Variants in GRM5 observed in about 807,000 individuals in gnomAD.
The protein encoded by GRM5 is glutamate metabotropic receptor 5, also known as metabotropic glutamate receptor 5.
In GRM5, 19 loss-of-function variants were observed where a neutral mutation model predicts 83.1. The ratio of observed to expected loss-of-function variants is 0.23; its 90% CI spans 0.16 to 0.34. The LOEUF (loss-of-function observed/expected upper bound fraction) is 0.34. Among genes scored for constraint, GRM5 ranks in the 10% least tolerant of loss-of-function variants. The pLI is 1.00. For missense variants in GRM5, 1,160 were observed against 1,588.3 expected, an observed-to-expected ratio of 0.73 and a Z score of 4.58; for synonymous variants, 675 against 633.6, an observed-to-expected ratio of 1.07 and a Z score of -0.98.
At chr11:88,907,089 T>C (rs1945416616) in intron 2 of GRM5, among the ~76,000 whole-genome samples, 1 of 152,084 alleles carries the variant, frequency 6.6e-6, no homozygotes, top group African/African-American at 2.4e-5. Flanking sequence ...GGTGTTCTAT[T>C]TGCCTGAAGT....
At chr11:88,603,685 A>G (rs952319260) in intron 5 of GRM5, among the ~76,000 whole-genome samples, 1 of 152,216 alleles carries the variant, frequency 6.6e-6, no homozygotes, top group Non-Finnish European at 1.5e-5. Context: ...GAAACTAGCT[A>G]TCACTTATAA....
intron 5 of GRM5, among the ~76,000 whole-genome samples, chr11:88,597,769 G>C (rs932278144): frequency 3.3e-5 from 5 of 152,194 alleles, no homozygotes; most frequent in African/African-American, 1.2e-4. Context: ...TTCAGCTTTA[G>C]GGGATATAGG....
intron 4 of GRM5, among the ~76,000 whole-genome samples, chr11:88,606,651 A>G (rs1313941146): frequency 1.3e-5 from 2 of 152,212 alleles, no homozygotes; most frequent in African/African-American, 4.8e-5. Flanking sequence ...ATCTGGCTAC[A>G]TTGTGGAGAA....
At chr11:88,796,599 T>G (rs983243767) in intron 3 of GRM5, among the ~76,000 whole-genome samples, 6 of 152,176 alleles carry the variant, frequency 3.9e-5, no homozygotes, top group Non-Finnish European at 7.4e-5. Context: ...AATGCAATTA[T>G]TTTTTAAGTG....
chr11:88,824,337 G>C (rs1348643538), intron 3 of GRM5, among the ~76,000 whole-genome samples: 1 of 152,134 alleles, frequency 6.6e-6, no homozygotes, highest in African/African-American at 2.4e-5. Context: ...AACTACCAGA[G>C]CTAGATTACA....
At chr11:89,000,792 A>G (rs2135068774) in intron 2 of GRM5, among the ~76,000 whole-genome samples, 1 of 152,248 alleles carries the variant, frequency 6.6e-6, no homozygotes, top group South Asian at 2.1e-4. Context: ...GGGAGAAGAT[A>G]TTTGCAAACC....
intron 2 of GRM5, among the ~76,000 whole-genome samples, chr11:88,973,747 A>G (rs1939238841): frequency 1.3e-5 from 2 of 152,156 alleles, no homozygotes; most frequent in South Asian, 4.1e-4. Flanking sequence ...GGAAACTAAT[A>G]CAAGGAGTAA....
intron 3 of GRM5, among the ~76,000 whole-genome samples, chr11:88,719,970 T>G (rs1404069321): frequency 6.6e-6 from 1 of 152,146 alleles, no homozygotes; most frequent in Non-Finnish European, 1.5e-5. Flanking sequence ...ATTAGACCTT[T>G]GTCAGATACA....
At chr11:88,751,088 A>C (rs1439115537) in intron 3 of GRM5, among the ~76,000 whole-genome samples, 3 of 148,870 alleles carry the variant, frequency 2.0e-5, no homozygotes, top group Non-Finnish European at 3.0e-5. Context: ...AAAAAAAAAA[A>C]AAAAAAACAA....
At chr11:88,921,089 T>G (rs1042983849) in intron 2 of GRM5, among the ~76,000 whole-genome samples, 1 of 146,494 alleles carries the variant, frequency 6.8e-6, no homozygotes. Context: ...TTTTTTTTAA[T>G]AAAGTGAAAT....
chr11:88,713,293 G>C (rs935662316), intron 3 of GRM5, among the ~76,000 whole-genome samples: 1 of 152,038 alleles, frequency 6.6e-6, no homozygotes, highest in African/African-American at 2.4e-5. Flanking sequence ...GTGCAGTGCA[G>C]ATATAGAGTA....
chr11:88,677,635 T>C (rs1407269492), intron 3 of GRM5, among the ~76,000 whole-genome samples: 5 of 152,140 alleles, frequency 3.3e-5, no homozygotes, highest in Non-Finnish European at 7.4e-5. Context: ...TTTAATTACA[T>C]AAGCTAATAA....
intron 3 of GRM5, among the ~76,000 whole-genome samples, chr11:88,811,237 A>G (rs942145760): frequency 2.6e-5 from 4 of 152,088 alleles, no homozygotes; most frequent in African/African-American, 9.7e-5. Flanking sequence ...AGGACAAATA[A>G]CAGAAGATTT....
rs1491472676 is a variant in GRM5 at position 88,838,084 on chromosome 11, C to CAAAAAG, written c.911+11821_911+11822insCTTTTT. ...TGGGTGACAGAGCGAGACTCCATCT[C>CAAAAAG]AAAAAAAAAAAAAAAAAAAAAAAAA... On this transcript the variant is annotated intron_variant, in intron 3 of 9. Coordinates refer to ENST00000305447, the MANE Select transcript of GRM5 (RefSeq NM_001143831.3). Among the ~76,000 whole-genome samples the CAAAAAG allele has an allele frequency of 3.1e-4, 17 of 55,444 alleles. 3 individuals carry two copies. The highest frequency in any genetic ancestry group is 5.7e-4 in the Non-Finnish European group (17 of 29,934). 36.4% of individuals were successfully genotyped at this position (55,444 alleles called of 152,430 possible).
At chr11:88,878,994 G>T (rs965484779) in intron 2 of GRM5, among the ~76,000 whole-genome samples, 1 of 152,186 alleles carries the variant, frequency 6.6e-6, no homozygotes, top group East Asian at 1.9e-4. Context: ...TCTGTACCTA[G>T]TTCTGGTGAT....
chr11:88,778,453 G>C (rs1335107981), intron 3 of GRM5, among the ~76,000 whole-genome samples: 1 of 152,190 alleles, frequency 6.6e-6, no homozygotes, highest in African/African-American at 2.4e-5. Context: ...CCCTCTGTGG[G>C]CTGCACCCAC....
In GRM5 at chr11:89,048,042, A is replaced by T; in HGVS notation, c.-170T>A. On this transcript the variant is annotated 5_prime_UTR_variant, in exon 2 of 10. An upstream open reading frame in the 5' UTR loses its in-frame stop. Transcript: ENST00000305447. ...TTTTGTCCCCATGTACCATTTAGTTAGATGATCCATGTGGTCATGATCTTC... is the reference window on the plus strand; with the variant it reads ...TTTTGTCCCCATGTACCATTTAGTTTGATGATCCATGTGGTCATGATCTTC... The T allele has an allele frequency of 1.7e-6, 1 of 596,072 alleles. No individual in the cohort carries two copies. The highest frequency in any genetic ancestry group is 2.8e-5 in the East Asian group (1 of 35,858). 36.9% of individuals were successfully genotyped at this position (596,072 alleles called of 1,614,324 possible).
chr11:88,980,694 G>A (rs1939493348), intron 2 of GRM5, among the ~76,000 whole-genome samples: 1 of 151,964 alleles, frequency 6.6e-6, no homozygotes, highest in Non-Finnish European at 1.5e-5. Context: ...GTGGTGGCAG[G>A]TGCCTGTAGT....
intron 4 of GRM5, among the ~76,000 whole-genome samples, chr11:88,628,245 T>C (rs185655949): frequency 1.0e-3 from 158 of 152,356 alleles, no homozygotes; most frequent in Non-Finnish European, 1.6e-3. Context: ...TGTAACCTTG[T>C]ATTGAAGGTA....
Sources: allele counts gnomAD v4.1 joint callset (sites outside exome capture counted in the v4.1 genomes callset), GRCh38; gene constraint gnomAD v4.1.1; transcripts MANE v1.5; gene names NCBI Gene and HGNC (gene_info 2026-07-23, HGNC 2026-07-21).